The following LRP1 variants were observed in gnomAD, a reference collection of about 807,000 sequenced individuals.
LRP1 encodes LDL receptor related protein 1.
Under a neutral mutation model 541.5 loss-of-function variants are expected in LRP1, and 51 were observed. The observed-to-expected ratio is 0.09, with a 90% CI of 0.08 to 0.12. The LOEUF is 0.12. Among genes scored for constraint, LRP1 ranks in the 10% least tolerant of loss-of-function variants. The pLI is 1.00. For synonymous variants in LRP1, 2,219 were observed against 2,470.8 expected (o/e 0.90, Z 3.02); for missense variants, 3,878 against 6,376.2 (o/e 0.61, Z 13.34).
chr12:57,160,364 G>A (rs999851318), intron 12 of LRP1, among the ~76,000 whole-genome samples: 1 of 152,092 alleles, frequency 6.6e-6, no homozygotes, highest in African/African-American at 2.4e-5. Flanking sequence ...CCCACTGCCT[G>A]CTGTCTGTTT....
chr12:57,138,632 T>C (rs1428161091), intron 2 of LRP1, 51 bp downstream of exon 2: 1 of 1,601,706 alleles, frequency 6.2e-7, no homozygotes, highest in Non-Finnish European at 8.5e-7. Flanking sequence ...TTATCCCTCT[T>C]CCTTTGGCAG....
intron 52 of LRP1, 129 bp from the exon 53 acceptor site, chr12:57,195,529 G>A: frequency 6.4e-7 from 1 of 1,573,092 alleles, no homozygotes; most frequent in African/African-American, 1.3e-5. Context: ...CATAGCTGTA[G>A]CCCAGGTGTC....
At chr12:57,171,065 G>A (rs1412118823) in intron 20 of LRP1, among the ~76,000 whole-genome samples, 1 of 152,182 alleles carries the variant, frequency 6.6e-6, no homozygotes, top group African/African-American at 2.4e-5. Flanking sequence ...AGGGGAGGGT[G>A]AGGGGCACAG....
chr12:57,134,850 C>T (rs1249003495), intron 1 of LRP1, among the ~76,000 whole-genome samples: 2 of 152,150 alleles, frequency 1.3e-5, no homozygotes, highest in African/African-American at 4.8e-5. Flanking sequence ...GGACTACAGG[C>T]GCCTGCCACC....
In LRP1 at chr12:57,199,375, C is replaced by T. The variant is rs1854362948; in HGVS notation, c.9840C>T (p.Val3280=). The change falls in exon 61 of 89, where the codon GTC becomes GTT. Residue 3280 remains valine (V), a synonymous_variant. Coordinates refer to ENST00000243077, the MANE Select transcript of LRP1 (RefSeq NM_002332.3). The part of the protein sequence containing the change: ...STLHRPMDLH[V]FHALRQPDVP... ...TGCACCGGCCCATGGACCTGCATGT[C>T]TTCCATGCCCTGCGCCAGCCAGACG... is the stretch of plus-strand genomic sequence containing the variant. The T allele has an allele frequency of 6.2e-7, 1 of 1,611,276 alleles. No individual in the cohort carries two copies. The highest frequency in any genetic ancestry group is 8.5e-7 in the Non-Finnish European group (1 of 1,179,216).
chr12:57,190,744 T>G, intron 42 of LRP1, 61 bp from the exon 43 acceptor site: 1 of 1,524,262 alleles, frequency 6.6e-7, no homozygotes, highest in Non-Finnish European at 9.0e-7. Context: ...CGTCCTGGCC[T>G]GTGCCCTCTG....
chr12:57,181,872 C>G (rs1269100221), intron 34 of LRP1, among the ~76,000 whole-genome samples: 1 of 152,202 alleles, frequency 6.6e-6, no homozygotes, highest in African/African-American at 2.4e-5. Context: ...TCACAAGAAC[C>G]TGCTAACTGA....
intron 6 of LRP1, chr12:57,149,747 G>A: frequency 1.4e-6 from 1 of 722,492 alleles, no homozygotes; most frequent in Non-Finnish European, 2.5e-6. Flanking sequence ...ACTGGCTGGT[G>A]GAAGGAAGAG....
rs566322550 is a variant in LRP1 at position 57,173,662 on chromosome 12, G to C, written c.3347-118G>C. 1 of 1,088,068 alleles carries C rather than the reference G, an allele frequency of 9.2e-7. No homozygotes were observed. The highest frequency in any genetic ancestry group is 1.4e-6 in the Non-Finnish European group (1 of 727,924). 67.4% of individuals were successfully genotyped at this position (1,088,068 alleles called of 1,614,324 possible). ...GACCCAAAAAGCCTCGGGGTTCCTC[G>C]TGGACCCCACAGCGTTGCAATCCTG... On this transcript the variant is annotated intron_variant, in intron 21 of 88. Transcript: ENST00000243077. This position sits in a 1 kb window ranked among gnomAD's most constrained non-coding sequence, Gnocchi z 4.7.
Position 57,158,336 on chromosome 12 carries a change from C to T in LRP1, c.1562-66C>T. On this transcript the variant is annotated intron_variant, in intron 10 of 88. Coordinates refer to ENST00000243077, the MANE Select transcript of LRP1 (RefSeq NM_002332.3). The surrounding 1 kb of genome is among the most constrained non-coding windows in gnomAD (Gnocchi z 5.3). ...CTAGGGCATTGCAGCCCCTTGGCCG[C>T]AGCCCCTGGGTGGGGATGATGGTCA... 1 of 1,358,690 alleles carries T rather than the reference C, an allele frequency of 7.4e-7. No individual in the cohort carries two copies. Among genetic ancestry groups the T allele is most frequent in the Non-Finnish European group, 1.0e-6 (1 of 975,770 alleles). 84.2% of individuals were successfully genotyped at this position (1,358,690 alleles called of 1,614,324 possible).
Position 57,208,496 on chromosome 12 carries a change from G to A in LRP1, c.12039-215G>A, listed in dbSNP as rs140287808. ...TGCCCTGGGGAACAGCTCTGCCAGC[G>A]TCGGTGGCTCTGAATGAGCACACTG... On this transcript the variant is annotated intron_variant, in intron 77 of 88. Coordinates refer to ENST00000243077, the MANE Select transcript of LRP1 (RefSeq NM_002332.3). 4,058 of 589,798 alleles carry A rather than the reference G, an allele frequency of 6.9e-3. 25 individuals are homozygous for A. Among genetic ancestry groups the A allele is most frequent in the Non-Finnish European group, 9.4e-3 (3,124 of 331,588 alleles). The allele number at this position is 589,798 out of a possible 1,614,324, so 36.5% of individuals were successfully genotyped here.
chr12:57,128,934 G>C lies in LRP1; in HGVS notation c.-31G>C. The C allele has an allele frequency of 6.5e-7, 1 of 1,532,740 alleles. No individual in the cohort carries two copies. Among genetic ancestry groups the C allele is most frequent in the Non-Finnish European group, 8.8e-7 (1 of 1,132,180 alleles). 94.9% of individuals were successfully genotyped at this position (1,532,740 alleles called of 1,614,324 possible). A position where few individuals can be genotyped will look rare whatever the true frequency, so the allele number is the denominator to read the frequency against. ...GGAGAGAAGTAGCAGGACCAGAGGG[G>C]AAGGGGCTGCTGCTTGCATCAGCCC... is the stretch of plus-strand genomic sequence containing the variant. On this transcript the variant is annotated 5_prime_UTR_variant, in exon 1 of 89. Transcript: ENST00000243077.
intron 76 of LRP1, among the ~76,000 whole-genome samples, chr12:57,207,317 AT>A (rs759623406): frequency 0.16 from 24,275 of 147,260 alleles, 2,797 homozygotes; most frequent in African/African-American, 0.32. Flanking sequence ...AAATAAATAA[AT>A]AAATAAAATA....
intron 13 of LRP1, among the ~76,000 whole-genome samples, chr12:57,161,545 T>G (rs2035733678): frequency 6.6e-6 from 1 of 152,178 alleles, no homozygotes; most frequent in South Asian, 2.1e-4. Context: ...ACGAGTCATG[T>G]ACGTGTTCTA....
intron 49 of LRP1, 36 bp from the exon 50 acceptor site, chr12:57,194,541 G>A (rs200572667): frequency 1.5e-4 from 234 of 1,612,206 alleles, no homozygotes; most frequent in Non-Finnish European, 2.7e-5. Flanking sequence ...GGTGGCCTGC[G>A]GTGAGCAGGG....
Position 57,205,722 on chromosome 12 carries a change from G to A in LRP1, c.11590+45G>A, listed in dbSNP as rs186461142. 52 of 1,597,300 alleles carry A rather than the reference G, an allele frequency of 3.3e-5. No homozygotes were observed. The Admixed American group carries it at 5.5e-4, about 17-fold the overall frequency. On this transcript the variant is annotated intron_variant, in intron 75 of 88. Transcript: ENST00000243077. This position sits in a 1 kb window ranked among gnomAD's most constrained non-coding sequence, Gnocchi z 4.6. Reference sequence around the variant, plus strand: ...GCAGAAAGGCTGGGTGGGGCAGGGCGACCAGGATATCAAACGGGGCCGACT... The same window carrying A: ...GCAGAAAGGCTGGGTGGGGCAGGGCAACCAGGATATCAAACGGGGCCGACT...
chr12:57,167,724 C>T (rs920968717), intron 19 of LRP1, among the ~76,000 whole-genome samples, 200 bp downstream of exon 19: 3 of 152,224 alleles, frequency 2.0e-5, no homozygotes, highest in African/African-American at 7.2e-5. Context: ...GAGACCATCA[C>T]CTTTTAGTGT....
rs779261707 is a variant in LRP1, at chr12:57,154,494, T to G, written c.1020T>G (p.Thr340=). The change falls in exon 8 of 89, where the codon ACT becomes ACG. Residue 340 remains threonine (T), a synonymous_variant. Transcript: ENST00000243077. The surrounding 1 kb of genome is among the most constrained non-coding windows in gnomAD (Gnocchi z 4.6). Reference sequence around the variant, plus strand: ...CTTCCCACAGGAAGGTGTTTTTCACTGACTATGGGCAGATCCCAAAGGTGG... The same window carrying G: ...CTTCCCACAGGAAGGTGTTTTTCACGGACTATGGGCAGATCCCAAAGGTGG... The part of the protein sequence containing the change: ...LDPAMGKVFF[T]DYGQIPKVER... 2 of 1,613,108 alleles carry G rather than the reference T, an allele frequency of 1.2e-6. No individual in the cohort carries two copies. Among genetic ancestry groups the G allele is most frequent in the Non-Finnish European group, 1.7e-6 (2 of 1,179,092 alleles).
chr12:57,201,574 C>T lies in LRP1; in HGVS notation c.10423C>T (p.Arg3475Trp), dbSNP rs759490492. ...CATCCCCCGGGTCTGGGTCTGCGAC[C>T]GGGACAATGACTGTGTGGATGGCAG... ...RCIPRVWVCD[R>W]DNDCVDGSDE... Residue 3475 changes from arginine to tryptophan, a missense_variant, in exon 66 of 89, where the codon CGG becomes TGG. Arg to Trp is a moderately radical substitution (Grantham distance 101, BLOSUM62 -3). This residue lies in a region of LRP1 where 278 missense variants were observed against 536.3 expected (regional missense o/e 0.52). Transcript: ENST00000243077. The surrounding 1 kb of genome is among the most constrained non-coding windows in gnomAD (Gnocchi z 6.4). The T allele has an allele frequency of 1.9e-6, 3 of 1,614,074 alleles. No individual in the cohort carries two copies. The highest frequency in any genetic ancestry group is 1.7e-5 in the Admixed American group (1 of 60,016).
Sources: gnomAD v4.1 joint callset for allele counts (sites outside exome capture counted in the v4.1 genomes callset) on GRCh38, gnomAD v4.1.1 for gene constraint, gnomAD v4.1.1 regional missense constraint, Gnocchi (gnomAD v3.1) non-coding constraint, MANE v1.5 for transcripts, NCBI Gene and HGNC (gene_info 2026-07-23, HGNC 2026-07-21) for gene names.